AK9: variants seen among roughly 807,000 people sequenced by gnomAD.
The protein encoded by AK9 is adenylate kinase 9, also known as adenylate kinase domain containing 1.
AK9 carries 191 observed loss-of-function variants against 239.6 expected under a neutral mutation model. That is an observed-to-expected ratio of 0.80 (90% CI 0.71 to 0.90). The LOEUF (loss-of-function observed/expected upper bound fraction) is 0.90, where lower values mean the gene tolerates loss of function less well. Among genes scored for constraint, AK9 ranks in the 40% least tolerant of loss-of-function variants. The probability of loss-of-function intolerance (pLI) is 0.00; values close to 1 mark genes in which losing one functional copy is unlikely to be tolerated. For synonymous variants in AK9, 689 were observed against 721.0 expected, an observed-to-expected ratio of 0.96 and a Z score of 0.71; for missense variants, 1,995 against 2,214.7, an observed-to-expected ratio of 0.90 and a Z score of 1.99.
intron 35 of AK9, among the ~76,000 whole-genome samples, chr6:109,505,542 A>G (rs1778024078): frequency 6.6e-6 from 1 of 152,228 alleles, no homozygotes; most frequent in Non-Finnish European, 1.5e-5. Flanking sequence ...CAACATTTAT[A>G]TCATACTATA....
intron 12 of AK9, among the ~76,000 whole-genome samples, chr6:109,619,536 T>A (rs1255865045): frequency 6.6e-6 from 1 of 152,108 alleles, no homozygotes. Flanking sequence ...ATATATATAT[T>A]TTAAATCCAT....
At position 109,669,739 on chromosome 6, in the gene AK9, C is replaced by T. The variant is rs551595306; in HGVS notation, c.331+2180G>A. ...GTTGAGAGCAAACATCAGGATGAGA[C>T]GCCTTGCTGGGAATTTGGGCAAAGA... On this transcript the variant is annotated intron_variant, in intron 5 of 40. Transcript: ENST00000424296. 1.5e-4 allele frequency among the ~76,000 whole-genome samples: 23 copies of T among 152,238 alleles called. No homozygotes were observed. The East Asian group carries it at 1.5e-3, about 10-fold the overall frequency.
intron 1 of AK9, among the ~76,000 whole-genome samples, chr6:109,683,886 T>C (rs1256975417): frequency 2.0e-5 from 3 of 152,180 alleles, no homozygotes; most frequent in Non-Finnish European, 4.4e-5. Flanking sequence ...TTCATGGAAT[T>C]GGGAAAAACT....
At chr6:109,587,548 A>C (rs1789667091) in intron 17 of AK9, among the ~76,000 whole-genome samples, 1 of 151,972 alleles carries the variant, frequency 6.6e-6, no homozygotes, top group Admixed American at 6.6e-5. Context: ...CCATCATTCC[A>C]TATTCTGCTT....
chr6:109,608,290 A>G (rs1304533349), intron 17 of AK9, among the ~76,000 whole-genome samples: 3 of 151,648 alleles, frequency 2.0e-5, no homozygotes, highest in Non-Finnish European at 4.4e-5. Context: ...AAAAAAAAAA[A>G]AAAAAAAACT....
At chr6:109,538,865 G>T (rs900165299) in intron 27 of AK9, among the ~76,000 whole-genome samples, 4 of 152,136 alleles carry the variant, frequency 2.6e-5, no homozygotes, top group African/African-American at 9.7e-5. Context: ...CAGTTATGAA[G>T]CTTAGTTTGG....
At chr6:109,558,551 A>G (rs1785302071) in intron 24 of AK9, among the ~76,000 whole-genome samples, 1 of 152,164 alleles carries the variant, frequency 6.6e-6, no homozygotes, top group South Asian at 2.1e-4. Context: ...GTGTGGCTCT[A>G]TATCTGGACT....
Position 109,674,249 on chromosome 6 carries a change from T to C in AK9, c.130A>G (p.Thr44Ala), listed in dbSNP as rs759211675. 6.3e-7 allele frequency: 1 copy of C among 1,576,078 alleles called. No individual in the cohort carries two copies. Among genetic ancestry groups the C allele is most frequent in the Non-Finnish European group, 8.6e-7 (1 of 1,161,572 alleles). ...TGTGTTATGTAACGGGCTAATGTTG[T>C]TTTCCCAACACCCTTAAAAAGAAAA... ...VVFGKPGVGK[T>A]TLARYITQAW... is the part of the protein sequence containing the mutation. Residue 44 changes from threonine (T) to alanine (A), a missense_variant, in exon 3 of 41, where the codon ACA (threonine) becomes GCA (alanine). Thr to Ala is a moderately conservative substitution (Grantham distance 58, BLOSUM62 0). Coordinates refer to ENST00000424296, the MANE Select transcript of AK9 (RefSeq NM_001145128.3).
intron 17 of AK9, among the ~76,000 whole-genome samples, chr6:109,603,547 C>T (rs2093097): frequency 0.57 from 87,321 of 151,924 alleles, 26,083 homozygotes; most frequent in South Asian, 0.78. Context: ...GCAGTCTGTC[C>T]GTTCTGAGAT....
intron 8 of AK9, among the ~76,000 whole-genome samples, chr6:109,652,378 A>T (rs1172469311): frequency 6.6e-6 from 1 of 152,218 alleles, no homozygotes; most frequent in Non-Finnish European, 1.5e-5. Context: ...AACTCTCAAT[A>T]AACTAGGTAT....
intron 29 of AK9, among the ~76,000 whole-genome samples, chr6:109,521,203 G>A (rs1779828351): frequency 6.6e-6 from 1 of 151,858 alleles, no homozygotes; most frequent in South Asian, 2.1e-4. Flanking sequence ...TTTTTCTATA[G>A]AAACCAGTTT....
chr6:109,501,458 G>A (rs989468315), intron 35 of AK9, among the ~76,000 whole-genome samples: 1 of 152,220 alleles, frequency 6.6e-6, no homozygotes, highest in Non-Finnish European at 1.5e-5. Context: ...TTTAAACAGG[G>A]AGTAGGAGAG....
Position 109,545,948 on chromosome 6 carries a change from G to A in AK9, c.3144C>T (p.Asn1048=), listed in dbSNP as rs151316525. ...CAAGTTCTTGTTTGGCAGCTTGCTC[G>A]TTCTCAGAATCTTCCTCAAATTCAG... ...VGPEFEEDSE[N]EQAAKQELEE... is the part of the protein sequence containing the mutation. The change falls in exon 26 of 41, where the codon AAC becomes AAT. Residue 1048 remains asparagine, a synonymous_variant. Transcript: ENST00000424296. The A allele has an allele frequency of 9.4e-5, 151 of 1,614,122 alleles. No homozygotes were observed. Among genetic ancestry groups the A allele is most frequent in the South Asian group, 1.3e-4 (12 of 91,056 alleles).
intron 13 of AK9, among the ~76,000 whole-genome samples, chr6:109,618,301 A>G (rs1236908732): frequency 6.6e-6 from 1 of 152,092 alleles, no homozygotes; most frequent in East Asian, 1.9e-4. Flanking sequence ...AGATTAAGCT[A>G]CTTTCATGTG....
intron 6 of AK9, 100 bp from the exon 7 acceptor site, chr6:109,659,513 T>A (rs1800148069): frequency 3.6e-6 from 5 of 1,385,514 alleles, no homozygotes; most frequent in Non-Finnish European, 4.7e-6. Flanking sequence ...AACCAAAAAA[T>A]TCCTTTAAAA....
At chr6:109,503,179 T>C (rs1777766607) in intron 35 of AK9, among the ~76,000 whole-genome samples, 1 of 151,908 alleles carries the variant, frequency 6.6e-6, no homozygotes, top group African/African-American at 2.4e-5. Flanking sequence ...AGTACAATAA[T>C]ATATAGTATT....
chr6:109,564,333 T>C, intron 22 of AK9, 53 bp from the exon 23 acceptor site: 2 of 1,401,836 alleles, frequency 1.4e-6, no homozygotes, highest in Non-Finnish European at 1.9e-6. Context: ...TATCCTATCT[T>C]TAGCCATATT....
intron 29 of AK9, chr6:109,527,997 C>G (rs1289717443): frequency 6.6e-6 from 1 of 152,522 alleles, no homozygotes; most frequent in Non-Finnish European, 1.5e-5. Flanking sequence ...TTTACAGAGG[C>G]TAAGTGACTT....
At chr6:109,548,840 TG>T (rs1783939692) in intron 25 of AK9, among the ~76,000 whole-genome samples, 1 of 152,210 alleles carries the variant, frequency 6.6e-6, no homozygotes, top group African/African-American at 2.4e-5. Flanking sequence ...AGATGAAACA[TG>T]GCTTTATCAG....
Sources: allele counts gnomAD v4.1 joint callset (sites outside exome capture counted in the v4.1 genomes callset), GRCh38; gene constraint gnomAD v4.1.1; transcripts MANE v1.5; gene names NCBI Gene and HGNC (gene_info 2026-07-23, HGNC 2026-07-21).